The following BLTP1 variants were observed in gnomAD, a reference collection of about 807,000 sequenced individuals.
The protein encoded by BLTP1 is bridge-like lipid transfer protein family member 1, also known as fragile site-associated protein.
the BLTP1 span, chr4:122,189,994 T>C: frequency 1.2e-6 from 2 of 1,602,710 alleles, no homozygotes; most frequent in Non-Finnish European, 1.7e-6. Context: ...CTCCACCTTC[T>C]TATAGACCAC....
chr4:122,223,904 G>T, the BLTP1 span: 1 of 644,644 alleles, frequency 1.6e-6, no homozygotes, highest in African/African-American at 2.0e-5. Flanking sequence ...AGTGTTCCAT[G>T]AAATAATCTG....
chr4:122,304,625 G>A, the BLTP1 span: 1 of 780,646 alleles, frequency 1.3e-6, no homozygotes, highest in Non-Finnish European at 1.6e-6. Context: ...AAATTTGTGT[G>A]ACCCACTTTA....
the BLTP1 span, chr4:122,257,488 C>A: frequency 4.3e-6 from 7 of 1,613,750 alleles, no homozygotes; most frequent in African/African-American, 9.3e-5. Flanking sequence ...AATTTGAGTT[C>A]GATGCAGGTA....
the BLTP1 span, among the ~76,000 whole-genome samples, chr4:122,176,394 A>T: frequency 2.0e-5 from 3 of 152,142 alleles, no homozygotes; most frequent in Non-Finnish European, 4.4e-5. Flanking sequence ...TTTAAATGAG[A>T]GGTATATACT....
At chr4:122,310,385 G>GAA in the BLTP1 span, among the ~76,000 whole-genome samples, 2 of 152,058 alleles carry the variant, frequency 1.3e-5, no homozygotes, top group Non-Finnish European at 2.9e-5. Flanking sequence ...ATTAATGAGA[G>GAA]AAAAGCATAC....
the BLTP1 span, among the ~76,000 whole-genome samples, chr4:122,178,516 C>T: frequency 4.6e-5 from 7 of 152,212 alleles, no homozygotes; most frequent in Admixed American, 4.6e-4. Flanking sequence ...CAGATTCTCT[C>T]CTTTCAATAT....
chr4:122,287,597 T>G, the BLTP1 span: 1 of 985,206 alleles, frequency 1.0e-6, no homozygotes, highest in African/African-American at 1.7e-5. Flanking sequence ...AAAAGCAATG[T>G]GCTATTTGTT....
At chr4:122,247,747 T>C in the BLTP1 span, 1 of 1,012,196 alleles carries the variant, frequency 9.9e-7, no homozygotes, top group Non-Finnish European at 1.2e-6. Context: ...AATTGTAATA[T>C]TAATCAAAAC....
At chr4:122,154,783 A>G in the BLTP1 span, 1 of 169,372 alleles carries the variant, frequency 5.9e-6, no homozygotes, top group East Asian at 1.9e-4. Context: ...GAGGCAGGAG[A>G]ATGGCATGAA....
At chr4:122,197,603 G>A in the BLTP1 span, 2 of 244,024 alleles carry the variant, frequency 8.2e-6, no homozygotes, top group Non-Finnish European at 1.3e-5. Context: ...TTTCTTTAGT[G>A]TATTCTCAGT....
chr4:122,293,694 G>T, the BLTP1 span, among the ~76,000 whole-genome samples: 2 of 152,124 alleles, frequency 1.3e-5, no homozygotes, highest in Non-Finnish European at 2.9e-5. Flanking sequence ...ATTCCCCTAG[G>T]AAGGAGGCTG....
the BLTP1 span, among the ~76,000 whole-genome samples, chr4:122,252,872 G>A: frequency 2.4e-4 from 36 of 152,200 alleles, no homozygotes; most frequent in African/African-American, 8.2e-4. Flanking sequence ...CTGGCTTCAG[G>A]TCTAACCCCA....
At chr4:122,269,776 G>A in the BLTP1 span, 424 of 657,078 alleles carry the variant, frequency 6.5e-4, no homozygotes, top group Admixed American at 2.0e-3. Context: ...CTGGCATGTA[G>A]TAAGTCCTCA....
chr4:122,312,809 T>A, the BLTP1 span: 3 of 804,498 alleles, frequency 3.7e-6, no homozygotes, highest in Non-Finnish European at 4.5e-6. Context: ...TAAGCTCAAA[T>A]TTAAGTAACA....
chr4:122,202,972 A>G, the BLTP1 span, among the ~76,000 whole-genome samples: 3 of 152,010 alleles, frequency 2.0e-5, no homozygotes, highest in South Asian at 4.1e-4. Flanking sequence ...TTACAGATTT[A>G]ACAACTAACA....
chr4:122,159,745 C>T, the BLTP1 span, among the ~76,000 whole-genome samples: 1 of 152,172 alleles, frequency 6.6e-6, no homozygotes. Context: ...CAAAGAGATT[C>T]AGAGGCTTGC....
chr4:122,302,207 T>G, the BLTP1 span: 7 of 905,934 alleles, frequency 7.7e-6, no homozygotes, highest in Admixed American at 4.3e-4. Context: ...ATATAAAATA[T>G]CAAAATGAAA....
the BLTP1 span, chr4:122,152,537 C>T: frequency 4.8e-5 from 47 of 985,764 alleles, no homozygotes; most frequent in Non-Finnish European, 5.7e-5. Flanking sequence ...CTCGGCGTTC[C>T]CCGGAGAGAG....
the BLTP1 span, chr4:122,181,243 T>G: frequency 2.1e-6 from 2 of 967,520 alleles, no homozygotes; most frequent in Non-Finnish European, 2.5e-6. Context: ...ATGCGTTCTT[T>G]TTTTTTAAAA....
Sources: gnomAD v4.1 joint callset for allele counts (sites outside exome capture counted in the v4.1 genomes callset) on GRCh38, gnomAD v4.1.1 for gene constraint, MANE v1.5 for transcripts, NCBI Gene and HGNC (gene_info 2026-07-23, HGNC 2026-07-21) for gene names.